The following PCDHGB2 variants were observed in gnomAD, a reference collection of about 807,000 sequenced individuals.
The protein encoded by PCDHGB2 is protocadherin gamma subfamily B, 2, also known as protocadherin gamma-B2.
In PCDHGB2, 55 loss-of-function variants were observed where a neutral mutation model predicts 59.3. The observed-to-expected ratio is 0.93, with a 90% CI of 0.75 to 1.16. PCDHGB2 has a LOEUF of 1.16. Ranked by LOEUF, PCDHGB2 falls within the 50% of genes most tolerant of loss-of-function variation. PCDHGB2 has a pLI of 0.00. For missense variants in PCDHGB2, 1,228 were observed against 1,198.5 expected, an observed-to-expected ratio of 1.02 and a Z score of -0.36; for synonymous variants, 516 against 512.0, an observed-to-expected ratio of 1.01 and a Z score of -0.11.
intron 1 of PCDHGB2, chr5:141,404,948 G>A (rs756928954): frequency 3.1e-6 from 5 of 1,613,838 alleles, no homozygotes; most frequent in African/African-American, 1.3e-5. Flanking sequence ...AGCCATAGCT[G>A]ACAGCATCCC....
chr5:141,413,652 G>T, intron 1 of PCDHGB2: 4 of 1,613,780 alleles, frequency 2.5e-6, no homozygotes, highest in Non-Finnish European at 3.4e-6. Context: ...TTCCTCTCCC[G>T]GAAGCTATTG....
At chr5:141,383,622 C>G (rs780650375) in intron 1 of PCDHGB2, 19 of 1,613,798 alleles carry the variant, frequency 1.2e-5, no homozygotes, top group Admixed American at 3.3e-5. Flanking sequence ...ACACGCCTGT[C>G]TTCTCTCTGC....
intron 2 of PCDHGB2, among the ~76,000 whole-genome samples, chr5:141,500,793 A>G (rs1245472175): frequency 6.6e-6 from 1 of 152,210 alleles, no homozygotes; most frequent in Non-Finnish European, 1.5e-5. Context: ...ATTTTACAGA[A>G]TAAGTCCTCA....
Position 141,486,397 on chromosome 5 carries a change from G to A in PCDHGB2, c.2422-8410G>A, listed in dbSNP as rs778989869. The A allele has an allele frequency of 5.0e-6, 8 of 1,614,046 alleles. No individual in the cohort carries two copies. The South Asian group carries it at 7.7e-5, about 16-fold the overall frequency. ...CCTTCAGGAACCAGTTCTCCCTGGT[G>A]ACTGCTGGACCCTTGGATCGAGAGG... On this transcript the variant is annotated intron_variant, in intron 1 of 3. Transcript: ENST00000522605. The surrounding 1 kb of genome is among the most constrained non-coding windows in gnomAD (Gnocchi z 5.0).
chr5:141,371,035 C>T (rs1277378735), intron 1 of PCDHGB2: 1 of 1,614,000 alleles, frequency 6.2e-7, no homozygotes, highest in Non-Finnish European at 8.5e-7. Context: ...GTCCTCACAG[C>T]TGTGGATGGG....
At chr5:141,500,615 A>G (rs1341597957) in intron 2 of PCDHGB2, among the ~76,000 whole-genome samples, 1 of 152,232 alleles carries the variant, frequency 6.6e-6, no homozygotes, top group East Asian at 1.9e-4. Flanking sequence ...ATTCCCAGTC[A>G]TACGGTACAT....
chr5:141,422,056 G>C lies in PCDHGB2; in HGVS notation c.2421+59500G>C, dbSNP rs1003977721. 1.2e-6 allele frequency: 2 copies of C among 1,611,816 alleles called. No individual in the cohort carries two copies. The highest frequency in any genetic ancestry group is 2.7e-5 in the African/African-American group (2 of 74,764). ...GGATCCAGACGAGGGAATCAACGGG[G>C]AAGTAATGTATTCATTTCGGAACAT... On this transcript the variant is annotated intron_variant, in intron 1 of 3. Transcript: ENST00000522605.
At chr5:141,383,932 C>G in intron 1 of PCDHGB2, 3 of 1,613,794 alleles carry the variant, frequency 1.9e-6, no homozygotes, top group Non-Finnish European at 2.5e-6. Flanking sequence ...TGATAATGCT[C>G]CAGAAGTGAC....
rs754329108 is a variant in PCDHGB2 at position 141,408,309 on chromosome 5, C to T, written c.2421+45753C>T. 1.8e-5 allele frequency: 29 copies of T among 1,613,698 alleles called. No individual in the cohort carries two copies. The highest frequency in any genetic ancestry group is 2.0e-5 in the Non-Finnish European group (24 of 1,179,730). On this transcript the variant is annotated intron_variant, in intron 1 of 3. Transcript: ENST00000522605. ...ACCCTGAGTGAGCCGATCCGCTACT[C>T]GATTCCGGAGGAGCTGGCCAAGGGC...
chr5:141,485,566 C>G lies in PCDHGB2; in HGVS notation c.2422-9241C>G, dbSNP rs768144422. On this transcript the variant is annotated intron_variant, in intron 1 of 3. Transcript: ENST00000522605. This position sits in a 1 kb window ranked among gnomAD's most constrained non-coding sequence, Gnocchi z 5.7. ...TCGTAGATGTGAATGATCACGCCCC[C>G]CGTTTTCCGCGGCAGCAGCTGGACT... 2.5e-6 allele frequency: 4 copies of G among 1,612,808 alleles called. No homozygotes were observed. Among genetic ancestry groups the G allele is most frequent in the South Asian group, 2.2e-5 (2 of 91,028 alleles).
At chr5:141,498,011 G>A (rs995865984) in intron 2 of PCDHGB2, among the ~76,000 whole-genome samples, 2 of 152,204 alleles carry the variant, frequency 1.3e-5, no homozygotes, top group Non-Finnish European at 2.9e-5. Flanking sequence ...ACAGTGCACT[G>A]AAGGAGACAA....
At chr5:141,436,324 G>A (rs972756085) in intron 1 of PCDHGB2, among the ~76,000 whole-genome samples, 10 of 152,134 alleles carry the variant, frequency 6.6e-5, no homozygotes, top group African/African-American at 2.4e-4. Flanking sequence ...AAGACTGTTA[G>A]ACCATATCTC....
chr5:141,478,509 G>C, intron 1 of PCDHGB2: 1 of 1,611,878 alleles, frequency 6.2e-7, no homozygotes, highest in Non-Finnish European at 8.5e-7. Context: ...GTGTTCTATA[G>C]GCAGGTGTTG....
At chr5:141,433,318 G>A (rs1659490277) in intron 1 of PCDHGB2, 2 of 788,746 alleles carry the variant, frequency 2.5e-6, no homozygotes, top group Non-Finnish European at 4.0e-6. Context: ...CTTTGCCTCC[G>A]GTGTAACAGG....
intron 1 of PCDHGB2, among the ~76,000 whole-genome samples, chr5:141,438,678 G>C (rs2098050264): frequency 7.1e-6 from 1 of 140,560 alleles, no homozygotes; most frequent in African/African-American, 2.6e-5. Context: ...ATTTGGAGTA[G>C]GGGATGGAGT....
intron 1 of PCDHGB2, among the ~76,000 whole-genome samples, chr5:141,363,323 G>T (rs1463680415): frequency 1.3e-5 from 2 of 152,116 alleles, no homozygotes; most frequent in African/African-American, 4.8e-5. Context: ...CTATGAAAGT[G>T]TTATTAAATA....
intron 1 of PCDHGB2, among the ~76,000 whole-genome samples, chr5:141,472,792 C>A (rs2099297177): frequency 6.6e-6 from 1 of 151,698 alleles, no homozygotes; most frequent in African/African-American, 2.4e-5. Context: ...TCAAGATCAG[C>A]CTGACCAACA....
At chr5:141,377,979 G>A (rs887213407) in intron 1 of PCDHGB2, 1 of 152,086 alleles carries the variant, frequency 6.6e-6, no homozygotes, top group African/African-American at 2.4e-5. Context: ...ATGTTCCTGG[G>A]TTGCAATCCT....
Position 141,487,007 on chromosome 5 carries a change from G to C in PCDHGB2, c.2422-7800G>C, listed in dbSNP as rs563548715. On this transcript the variant is annotated intron_variant, in intron 1 of 3. Transcript: ENST00000522605. This position sits in a 1 kb window ranked among gnomAD's most constrained non-coding sequence, Gnocchi z 5.0. ...TGCTTGGGTTTCCTATCAGCTCCTG[G>C]AGGCCCCAGATCCCAGCCTGTTTGC... The C allele has an allele frequency of 6.2e-7, 1 of 1,614,206 alleles. No individual in the cohort carries two copies. Among genetic ancestry groups the C allele is most frequent in the Non-Finnish European group, 8.5e-7 (1 of 1,180,042 alleles).
Sources: allele counts gnomAD v4.1 joint callset (sites outside exome capture counted in the v4.1 genomes callset), GRCh38; gene constraint gnomAD v4.1.1; non-coding constraint Gnocchi (gnomAD v3.1); transcripts MANE v1.5; gene names NCBI Gene and HGNC (gene_info 2026-07-23, HGNC 2026-07-21).